PIK3C3: variants seen among roughly 807,000 people sequenced by gnomAD.
The protein encoded by PIK3C3 is phosphatidylinositol 3-kinase catalytic subunit type 3, also known as PI3-kinase type 3.
Under a neutral mutation model 126.1 loss-of-function variants are expected in PIK3C3, and 95 were observed. The observed-to-expected ratio is 0.75, with a 90% CI of 0.64 to 0.89. The LOEUF (loss-of-function observed/expected upper bound fraction) is 0.89. PIK3C3 is among the 40% of genes least tolerant of loss of function. The probability of loss-of-function intolerance (pLI) is 0.00; values close to 1 mark genes in which losing one functional copy is unlikely to be tolerated. For missense variants in PIK3C3, 829 were observed against 1,063.2 expected (o/e 0.78, Z 3.06); for synonymous variants, 374 against 360.0 (o/e 1.04, Z -0.44).
chr18:41,979,861 A>T (rs188908803), intron 4 of PIK3C3, among the ~76,000 whole-genome samples: 1 of 139,384 alleles, frequency 7.2e-6, no homozygotes, highest in Non-Finnish European at 1.5e-5. Context: ...TCTGCTAATT[A>T]TAGGAATCAT....
At chr18:41,968,257 A>C (rs563413744) in intron 3 of PIK3C3, among the ~76,000 whole-genome samples, 2 of 152,312 alleles carry the variant, frequency 1.3e-5, no homozygotes, top group Non-Finnish European at 2.9e-5. Flanking sequence ...GCCTTCTGCT[A>C]TTTCTGAAGG....
chr18:41,990,708 A>G (rs1309343218), intron 6 of PIK3C3, 154 bp downstream of exon 6: 6 of 564,402 alleles, frequency 1.1e-5, no homozygotes, highest in Non-Finnish European at 1.6e-5. Context: ...AAATCAAATC[A>G]TATAACTACA....
rs546962936 is a variant in PIK3C3 at position 41,984,337 on chromosome 18, A to C, written c.532-3475A>C. 3.3e-5 allele frequency among the ~76,000 whole-genome samples: 5 copies of C among 152,234 alleles called. 1 individual carries two copies. The highest frequency in any genetic ancestry group is 1.2e-4 in the African/African-American group (5 of 41,560). On this transcript the variant is annotated intron_variant, in intron 4 of 24. Coordinates refer to ENST00000262039, the MANE Select transcript of PIK3C3 (RefSeq NM_002647.4). ...AAGTTGCTTTGAACTGATGAAAACC[A>C]CTCAAGTATATCTACATTGTTATCA...
At position 41,962,594 on chromosome 18, in the gene PIK3C3, T is replaced by A; in HGVS notation, c.363T>A (p.Pro121=). ...WDVYGPGKAV[P]VGGTTVSLFG... ...TGTATGGTCCCGGAAAAGCAGTGCC[T>A]GTAGGAGGAACAACGGTTTCGCTCT... The change falls in exon 3 of 25, where the codon CCT becomes CCA. Residue 121 remains proline, a synonymous_variant. Transcript: ENST00000262039. 1 of 1,612,584 alleles carries A rather than the reference T, an allele frequency of 6.2e-7. No homozygotes were observed. The highest frequency in any genetic ancestry group is 8.5e-7 in the Non-Finnish European group (1 of 1,178,980).
At chr18:42,062,589 G>A (rs1162778855) in intron 22 of PIK3C3, among the ~76,000 whole-genome samples, 1 of 151,892 alleles carries the variant, frequency 6.6e-6, no homozygotes, top group Non-Finnish European at 1.5e-5. Flanking sequence ...CATTATAAAG[G>A]GTTTCATTCT....
intron 5 of PIK3C3, 73 bp downstream of exon 5, chr18:41,987,971 T>G: frequency 2.4e-6 from 2 of 845,602 alleles, no homozygotes; most frequent in South Asian, 3.7e-5. Flanking sequence ...TGATAAGAAT[T>G]ATTATTAGGT....
At chr18:42,031,311 AAAG>A (rs1356022571) in intron 15 of PIK3C3, among the ~76,000 whole-genome samples, 2 of 152,212 alleles carry the variant, frequency 1.3e-5, no homozygotes, top group Non-Finnish European at 2.9e-5. Context: ...TCAAATGAGT[AAAG>A]AAGATGATAA....
At chr18:41,957,368 C>T (rs1979833625) in intron 1 of PIK3C3, among the ~76,000 whole-genome samples, 1 of 152,042 alleles carries the variant, frequency 6.6e-6, no homozygotes, top group African/African-American at 2.4e-5. Flanking sequence ...TTAAGAAACC[C>T]TTATCATATA....
chr18:42,021,362 G>T (rs1168807719), intron 13 of PIK3C3, among the ~76,000 whole-genome samples: 1 of 152,142 alleles, frequency 6.6e-6, no homozygotes, highest in East Asian at 1.9e-4. Context: ...AATATGAAGC[G>T]TGGTGCCCTT....
intron 6 of PIK3C3, among the ~76,000 whole-genome samples, chr18:41,992,906 A>T (rs1432186117): frequency 1.3e-5 from 2 of 152,282 alleles, no homozygotes; most frequent in East Asian, 1.9e-4. Context: ...CACATTTTAC[A>T]TATAGTCTGT....
At chr18:41,998,154 T>A (rs1365305057) in intron 9 of PIK3C3, among the ~76,000 whole-genome samples, 2 of 152,142 alleles carry the variant, frequency 1.3e-5, no homozygotes, top group Non-Finnish European at 2.9e-5. Context: ...CCTTAGGAAA[T>A]TCTTTGTAAA....
intron 4 of PIK3C3, among the ~76,000 whole-genome samples, chr18:41,983,321 A>G (rs763915599): frequency 2.0e-4 from 30 of 151,930 alleles, no homozygotes; most frequent in Admixed American, 7.9e-4. Flanking sequence ...TTGAGAGTGT[A>G]TAAAGATTAG....
At chr18:41,996,352 CGTT>C (rs1050143903) in intron 8 of PIK3C3, among the ~76,000 whole-genome samples, 7 of 152,030 alleles carry the variant, frequency 4.6e-5, no homozygotes, top group Non-Finnish European at 8.8e-5. Context: ...TGGTAGAAGA[CGTT>C]GTTATTTTGC....
intron 10 of PIK3C3, among the ~76,000 whole-genome samples, chr18:42,011,519 C>T (rs1416014503): frequency 6.6e-6 from 1 of 152,164 alleles, no homozygotes; most frequent in Admixed American, 6.5e-5. Flanking sequence ...GGGCCTTGCT[C>T]TGGATTGGGC....
In PIK3C3 at chr18:42,060,702, G is replaced by A. The variant is rs1387984279; in HGVS notation, c.2432+2651G>A. 7.2e-5 allele frequency among the ~76,000 whole-genome samples: 11 copies of A among 152,136 alleles called. No homozygotes were observed. In the South Asian group the frequency reaches 2.1e-3, roughly 29 times the overall value. ...TGAGGTATGAGAATTGCTTGAACCC[G>A]AGAGGCAGAGGTTACAGTGAGCCAA... On this transcript the variant is annotated intron_variant, in intron 22 of 24. Coordinates refer to ENST00000262039, the MANE Select transcript of PIK3C3 (RefSeq NM_002647.4).
chr18:42,056,157 A>T (rs1985055141), intron 21 of PIK3C3, among the ~76,000 whole-genome samples: 1 of 147,602 alleles, frequency 6.8e-6, no homozygotes, highest in South Asian at 2.1e-4. Context: ...TAAAAAAAAC[A>T]TTCCCTTCAG....
chr18:41,993,012 C>T (rs1981854096), intron 6 of PIK3C3, among the ~76,000 whole-genome samples: 1 of 152,084 alleles, frequency 6.6e-6, no homozygotes, highest in Non-Finnish European at 1.5e-5. Flanking sequence ...TCGAAACAAT[C>T]TAATTTCCAG....
chr18:41,964,150 T>C (rs1042883873), intron 3 of PIK3C3, among the ~76,000 whole-genome samples: 2 of 152,158 alleles, frequency 1.3e-5, no homozygotes, highest in African/African-American at 4.8e-5. Context: ...AAGAGTGGTA[T>C]AGTGAGAATA....
intron 14 of PIK3C3, 43 bp downstream of exon 14, chr18:42,027,591 C>T: frequency 9.3e-7 from 1 of 1,074,004 alleles, no homozygotes; most frequent in Non-Finnish European, 1.4e-6. Context: ...AGCACATGGG[C>T]CAAATTCAGC....
Sources: gnomAD v4.1 joint callset for allele counts (sites outside exome capture counted in the v4.1 genomes callset) on GRCh38, gnomAD v4.1.1 for gene constraint, MANE v1.5 for transcripts, NCBI Gene and HGNC (gene_info 2026-07-23, HGNC 2026-07-21) for gene names.